Variants in PAK1 observed in about 807,000 individuals in gnomAD.
PAK1 encodes the protein p21 (RAC1) activated kinase 1.
In PAK1, 29 loss-of-function variants were observed where a neutral mutation model predicts 67.4. The ratio of observed to expected loss-of-function variants is 0.43; its 90% CI spans 0.32 to 0.59. The LOEUF is 0.59. PAK1 is among the 20% of genes least tolerant of loss of function. The pLI, the probability that PAK1 is intolerant of heterozygous loss-of-function variation, is 0.07. For missense variants in PAK1, 337 were observed against 670.7 expected (o/e 0.50, Z 5.50); for synonymous variants, 223 against 237.4 (o/e 0.94, Z 0.56).
At chr11:77,329,931 C>A (rs1941056136) in intron 14 of PAK1, among the ~76,000 whole-genome samples, 1 of 152,086 alleles carries the variant, frequency 6.6e-6, no homozygotes, top group Non-Finnish European at 1.5e-5. Flanking sequence ...GCAACTTCAG[C>A]TAAGTCTCAG....
chr11:77,471,573 G>C (rs1469214514), intron 1 of PAK1, among the ~76,000 whole-genome samples: 4 of 152,186 alleles, frequency 2.6e-5, no homozygotes, highest in Non-Finnish European at 5.9e-5. Context: ...AAGCATTCCA[G>C]GAAGAAAACA....
the PAK1 span, among the ~76,000 whole-genome samples, chr11:77,497,062 T>C: frequency 1.3e-5 from 2 of 152,210 alleles, no homozygotes; most frequent in Non-Finnish European, 2.9e-5. Context: ...CACTCCTGAA[T>C]CTGCAAGGTC....
chr11:77,483,944 C>T, the PAK1 span, among the ~76,000 whole-genome samples: 1 of 152,138 alleles, frequency 6.6e-6, no homozygotes, highest in Non-Finnish European at 1.5e-5. Flanking sequence ...AAAGTCCCAT[C>T]CTTCTGGCTG....
the PAK1 span, among the ~76,000 whole-genome samples, chr11:77,490,606 C>G: frequency 6.6e-6 from 1 of 152,208 alleles, no homozygotes; most frequent in African/African-American, 2.4e-5. Flanking sequence ...CTCTGCCCGG[C>G]CGCCACCCCG....
chr11:77,517,526 C>G, the PAK1 span, among the ~76,000 whole-genome samples: 9 of 152,274 alleles, frequency 5.9e-5, no homozygotes, highest in East Asian at 1.7e-3. Flanking sequence ...GCCCATTGGT[C>G]CTAGGTCAGC....
the PAK1 span, among the ~76,000 whole-genome samples, chr11:77,497,032 C>T: frequency 6.6e-6 from 1 of 152,200 alleles, no homozygotes; most frequent in Admixed American, 6.5e-5. Flanking sequence ...CTAGGCAGGG[C>T]TCTGGTGAAG....
the PAK1 span, among the ~76,000 whole-genome samples, chr11:77,527,461 T>C: frequency 1.3e-5 from 2 of 152,254 alleles, no homozygotes; most frequent in Non-Finnish European, 2.9e-5. Context: ...ATACTTTATA[T>C]AGATCACCTC....
chr11:77,440,348 C>T (rs1171276739), intron 1 of PAK1, among the ~76,000 whole-genome samples: 1 of 151,930 alleles, frequency 6.6e-6, no homozygotes, highest in Non-Finnish European at 1.5e-5. Context: ...CCAGCCTAGG[C>T]AAAATAGTGA....
the PAK1 span, among the ~76,000 whole-genome samples, chr11:77,480,090 T>C: frequency 2.0e-5 from 3 of 152,162 alleles, no homozygotes; most frequent in African/African-American, 7.2e-5. Flanking sequence ...TTTCCATATG[T>C]ATGCTTTCTT....
chr11:77,482,812 C>T, the PAK1 span, among the ~76,000 whole-genome samples: 259 of 152,124 alleles, frequency 1.7e-3, 1 homozygote, highest in African/African-American at 6.0e-3. Context: ...CCCTCTGTTG[C>T]CCAGCTGGTC....
intron 2 of PAK1, among the ~76,000 whole-genome samples, chr11:77,382,725 C>T (rs192884263): frequency 3.3e-5 from 5 of 152,212 alleles, no homozygotes; most frequent in Non-Finnish European, 2.9e-5. Context: ...TGGCCGGGCA[C>T]GGTGGCTCAC....
At chr11:77,328,231 CAG>C (rs1163668783) in intron 14 of PAK1, among the ~76,000 whole-genome samples, 2 of 152,146 alleles carry the variant, frequency 1.3e-5, no homozygotes, top group African/African-American at 2.4e-5. Flanking sequence ...ATCAACGAGA[CAG>C]AAAGTTAACA....
At chr11:77,400,884 G>A (rs1952585233) in intron 1 of PAK1, among the ~76,000 whole-genome samples, 5 of 152,174 alleles carry the variant, frequency 3.3e-5, no homozygotes, top group Admixed American at 2.6e-4. Flanking sequence ...CAGTAAACAA[G>A]TCAGAAGAAG....
At chr11:77,509,607 C>G in the PAK1 span, among the ~76,000 whole-genome samples, 4 of 152,260 alleles carry the variant, frequency 2.6e-5, no homozygotes, top group South Asian at 6.2e-4. Flanking sequence ...GAATTGTAAT[C>G]CCCAATGCTG....
intron 11 of PAK1, among the ~76,000 whole-genome samples, chr11:77,340,297 T>C (rs559169428): frequency 1.3e-5 from 2 of 152,234 alleles, no homozygotes; most frequent in Admixed American, 1.3e-4. Context: ...GAAAGCAGAA[T>C]AAAAATGATT....
intron 11 of PAK1, among the ~76,000 whole-genome samples, chr11:77,338,594 A>G (rs1379446459): frequency 2.6e-5 from 4 of 152,216 alleles, no homozygotes; most frequent in Admixed American, 1.3e-4. Flanking sequence ...TATGACCAGC[A>G]ATCCACCTGT....
chr11:77,487,937 C>T, the PAK1 span, among the ~76,000 whole-genome samples: 9 of 152,150 alleles, frequency 5.9e-5, no homozygotes, highest in African/African-American at 1.7e-4. Flanking sequence ...ATAGGAAGTA[C>T]CAGGCAGTAG....
intron 1 of PAK1, among the ~76,000 whole-genome samples, chr11:77,438,428 C>A (rs1956220421): frequency 6.6e-6 from 1 of 152,182 alleles, no homozygotes; most frequent in South Asian, 2.1e-4. Context: ...GGACACATAT[C>A]CAAACTGTAT....
At chr11:77,326,443 A>C (rs1276036044) in intron 14 of PAK1, among the ~76,000 whole-genome samples, 1 of 152,186 alleles carries the variant, frequency 6.6e-6, no homozygotes, top group African/African-American at 2.4e-5. Context: ...CCATGCCTGT[A>C]ATTCCAGCAC....
Sources: allele counts gnomAD v4.1 joint callset (sites outside exome capture counted in the v4.1 genomes callset), GRCh38; gene constraint gnomAD v4.1.1; transcripts MANE v1.5; gene names NCBI Gene and HGNC (gene_info 2026-07-23, HGNC 2026-07-21).